TMCC3: variants seen among roughly 807,000 people sequenced by gnomAD.
The protein encoded by TMCC3 is transmembrane and coiled-coil domain protein 3.
In TMCC3, 28 loss-of-function variants were observed where a neutral mutation model predicts 40.2. The observed-to-expected ratio is 0.70, with a 90% CI of 0.52 to 0.95. The LOEUF (loss-of-function observed/expected upper bound fraction) is 0.95, where lower values mean the gene tolerates loss of function less well. Among genes scored for constraint, TMCC3 ranks in the 40% least tolerant of loss-of-function variants. The probability of loss-of-function intolerance (pLI) is 0.00; values close to 1 mark genes in which losing one functional copy is unlikely to be tolerated. For synonymous variants in TMCC3, 255 were observed against 248.5 expected, an observed-to-expected ratio of 1.03 and a Z score of -0.25; for missense variants, 554 against 615.2, an observed-to-expected ratio of 0.90 and a Z score of 1.05.
At chr12:94,646,242 T>G (rs1443764024) in intron 1 of TMCC3, among the ~76,000 whole-genome samples, 3 of 152,056 alleles carry the variant, frequency 2.0e-5, no homozygotes, top group Non-Finnish European at 4.4e-5. Flanking sequence ...GCGGTGGTAT[T>G]GCTAATAGGT....
chr12:94,575,731 A>G (rs951248612), intron 3 of TMCC3, among the ~76,000 whole-genome samples: 2 of 152,208 alleles, frequency 1.3e-5, no homozygotes, highest in African/African-American at 4.8e-5. Flanking sequence ...GATACCACCC[A>G]GTGACACCCG....
At chr12:94,649,729 C>G (rs1372583749) in intron 1 of TMCC3, among the ~76,000 whole-genome samples, 1 of 152,262 alleles carries the variant, frequency 6.6e-6, no homozygotes, top group Non-Finnish European at 1.5e-5. Flanking sequence ...GAGCTATTTT[C>G]GCCCACAGCC....
At chr12:94,597,120 A>AAAAAAAAAAAAATATATATATATATAT (rs2068719307) in intron 1 of TMCC3, among the ~76,000 whole-genome samples, 1 of 5,486 alleles carries the variant, frequency 1.8e-4, no homozygotes, top group African/African-American at 4.5e-4. Flanking sequence ...TCTCTATTAA[A>AAAAAAAAAAAAATATATATATATATAT]ATACATATAT....
At chr12:94,623,087 C>A (rs921517081) in intron 1 of TMCC3, among the ~76,000 whole-genome samples, 4 of 152,162 alleles carry the variant, frequency 2.6e-5, no homozygotes, top group African/African-American at 9.7e-5. Flanking sequence ...AAACATGTGT[C>A]AATCAGCAGC....
At chr12:94,598,651 C>G in intron 1 of TMCC3, 2 of 985,398 alleles carry the variant, frequency 2.0e-6, no homozygotes, top group Middle Eastern at 1.0e-3. Flanking sequence ...GGCTAAAGCT[C>G]CAGCAGGTTC....
intron 1 of TMCC3, among the ~76,000 whole-genome samples, chr12:94,584,841 G>C (rs2651990): frequency 0.24 from 36,205 of 151,638 alleles, 4,853 homozygotes; most frequent in Middle Eastern, 0.38. Context: ...AAGAAGTTGT[G>C]ACTTCACCTG....
intron 1 of TMCC3, among the ~76,000 whole-genome samples, chr12:94,609,025 C>T (rs1211258311): frequency 6.6e-6 from 1 of 152,126 alleles, no homozygotes; most frequent in East Asian, 1.9e-4. Flanking sequence ...CCAGCCTGGA[C>T]AACTAAGCAA....
chr12:94,598,699 C>T (rs1164650998), intron 1 of TMCC3: 1 of 985,294 alleles, frequency 1.0e-6, no homozygotes, highest in Non-Finnish European at 1.2e-6. Flanking sequence ...TAAGAGGAGG[C>T]TTTCTTCTCC....
chr12:94,643,145 T>C (rs1455731896), intron 1 of TMCC3, among the ~76,000 whole-genome samples: 1 of 151,848 alleles, frequency 6.6e-6, no homozygotes, highest in Non-Finnish European at 1.5e-5. Context: ...TGAGCCGAGA[T>C]TGCACCACTG....
chr12:94,639,911 G>A (rs1262737167), intron 1 of TMCC3, among the ~76,000 whole-genome samples: 1 of 152,108 alleles, frequency 6.6e-6, no homozygotes, highest in African/African-American at 2.4e-5. Flanking sequence ...ACCCATGAGT[G>A]GGAAAAATGT....
chr12:94,621,710 TTAA>T (rs894889601), intron 1 of TMCC3, among the ~76,000 whole-genome samples: 8 of 152,220 alleles, frequency 5.3e-5, no homozygotes, highest in Non-Finnish European at 1.2e-4. Flanking sequence ...TTATAGCTGA[TTAA>T]TGATAGCTGG....
chr12:94,578,486 G>A lies in TMCC3; in HGVS notation c.1039C>T (p.His347Tyr). The stretch of plus-strand genomic sequence containing the variant: ...TTCAGGTTGGCTGTCTCATGCTGAT[G>A]CAGGTCCGTCAGGTCATGCAGCTGG... ...EDQLHDLTDL[H>Y]QHETANLKQE... is the part of the protein sequence containing the mutation. The change falls in exon 3 of 4, where the codon CAT becomes TAT. Residue 347 changes from histidine to tyrosine, a missense_variant. Transcript: ENST00000261226. The A allele has an allele frequency of 1.9e-6, 3 of 1,614,162 alleles. No homozygotes were observed. Among genetic ancestry groups the A allele is most frequent in the East Asian group, 2.2e-5 (1 of 44,872 alleles).
chr12:94,634,083 A>T (rs1012269867), intron 1 of TMCC3, among the ~76,000 whole-genome samples: 3 of 151,830 alleles, frequency 2.0e-5, no homozygotes, highest in African/African-American at 7.3e-5. Context: ...AGTAGCTGAG[A>T]TTACAGGTGC....
intron 3 of TMCC3, among the ~76,000 whole-genome samples, chr12:94,577,346 G>A (rs1243605115): frequency 6.6e-6 from 1 of 152,066 alleles, no homozygotes; most frequent in African/African-American, 2.4e-5. Flanking sequence ...GTGCCATCAC[G>A]CCTGGCTAAT....
intron 1 of TMCC3, among the ~76,000 whole-genome samples, chr12:94,623,766 G>A (rs921536332): frequency 6.6e-5 from 10 of 152,246 alleles, no homozygotes; most frequent in Non-Finnish European, 1.3e-4. Flanking sequence ...GTTGGGCCAC[G>A]GCCCAGAGCC....
At chr12:94,577,005 C>T (rs2068569276) in intron 3 of TMCC3, among the ~76,000 whole-genome samples, 1 of 152,086 alleles carries the variant, frequency 6.6e-6, no homozygotes, top group East Asian at 1.9e-4. Flanking sequence ...GCCACTTAAC[C>T]TCTCTGTGCC....
chr12:94,617,962 T>C (rs545561280), intron 1 of TMCC3, among the ~76,000 whole-genome samples: 4 of 152,358 alleles, frequency 2.6e-5, no homozygotes, highest in African/African-American at 9.6e-5. Context: ...TCTTAAGTCA[T>C]GTTAAATAAT....
Position 94,578,529 on chromosome 12 carries a change from C to G in TMCC3, c.996G>C (p.Arg332Ser). ...ISQTLQEERY[R>S]YERLEDQLHD... ...GCAGCTGGTCCTCCAGTCGCTCATACCTTTAAAAGAGAGGAGCCGATTCCC... is the reference window on the plus strand; with the variant it reads ...GCAGCTGGTCCTCCAGTCGCTCATAGCTTTAAAAGAGAGGAGCCGATTCCC... The change falls in exon 3 of 4, where the codon AGG (arginine) becomes AGC (serine). Residue 332 changes from arginine to serine, a missense_variant and splice_region_variant. Physicochemically the swap from Arg to Ser is moderately radical, Grantham distance 110. Coordinates refer to ENST00000261226, the MANE Select transcript of TMCC3 (RefSeq NM_020698.4). The G allele has an allele frequency of 6.2e-7, 1 of 1,612,740 alleles. No homozygotes were observed.
chr12:94,608,281 T>C (rs960963887), intron 1 of TMCC3, among the ~76,000 whole-genome samples: 4 of 152,344 alleles, frequency 2.6e-5, no homozygotes, highest in Middle Eastern at 3.4e-3. Flanking sequence ...TCCACTTATA[T>C]AGCATCTTTC....
Sources: allele counts gnomAD v4.1 joint callset (sites outside exome capture counted in the v4.1 genomes callset), GRCh38; gene constraint gnomAD v4.1.1; transcripts MANE v1.5; gene names NCBI Gene and HGNC (gene_info 2026-07-23, HGNC 2026-07-21).